GPR107: variants seen among roughly 807,000 people sequenced by gnomAD.
GPR107 encodes protein GPR107.
In GPR107, 31 loss-of-function variants were observed where a neutral mutation model predicts 75.5. That is an observed-to-expected ratio of 0.41 (90% CI 0.31 to 0.55). The LOEUF (loss-of-function observed/expected upper bound fraction) is 0.55. GPR107 is among the 20% of genes least tolerant of loss of function. GPR107 has a pLI of 0.26. For synonymous variants in GPR107, 267 were observed against 251.3 expected (o/e 1.06, Z -0.59); for missense variants, 572 against 665.7 (o/e 0.86, Z 1.55).
At chr9:130,132,255 A>C (rs1013535783) in intron 17 of GPR107, among the ~76,000 whole-genome samples, 2 of 152,090 alleles carry the variant, frequency 1.3e-5, no homozygotes, top group South Asian at 4.1e-4. Flanking sequence ...TTGCAGTGCC[A>C]GTTTCCTGGC....
At position 130,112,100 on chromosome 9, in the gene GPR107, TTTAA is replaced by T. The variant is rs1357228018; in HGVS notation, c.1306+4566_1306+4569del. On this transcript the variant is annotated intron_variant, in intron 14 of 17. Transcript: ENST00000347136. This position sits in a 1 kb window ranked among gnomAD's most constrained non-coding sequence, Gnocchi z 4.0. ...CTGGCGTCGAGATACACACCGTAAATTTAATTAACAGTCTCTGCTGCTCACCATC... is the reference window on the plus strand; with the variant it reads ...CTGGCGTCGAGATACACACCGTAAATTTAACAGTCTCTGCTGCTCACCATC... Among the ~76,000 whole-genome samples, 33 of 152,358 alleles carry T rather than the reference TTTAA, an allele frequency of 2.2e-4. No homozygotes were observed. The highest frequency in any genetic ancestry group is 7.9e-4 in the African/African-American group (33 of 41,584).
rs530174004 is a variant in GPR107, at chr9:130,135,196, A to T, written c.*75A>T. ...CATAGTCCTATTGGACAGCAGGAGCAGCTCCTACAGTGAACTATTGGCACC... is the reference window on the plus strand; with the variant it reads ...CATAGTCCTATTGGACAGCAGGAGCTGCTCCTACAGTGAACTATTGGCACC... On this transcript the variant is annotated 3_prime_UTR_variant, in exon 18 of 18. Transcript: ENST00000347136. 61 of 739,352 alleles carry T rather than the reference A, an allele frequency of 8.3e-5. No individual in the cohort carries two copies. The African/African-American group carries it at 9.3e-4, about 11-fold the overall frequency. 45.8% of individuals were successfully genotyped at this position (739,352 alleles called of 1,614,324 possible).
chr9:130,118,400 G>A (rs1447871848), intron 14 of GPR107, among the ~76,000 whole-genome samples: 3 of 152,260 alleles, frequency 2.0e-5, no homozygotes, highest in Non-Finnish European at 2.9e-5. Context: ...CTAGGGCAGG[G>A]GCAGCACCTC....
chr9:130,099,659 A>G, intron 10 of GPR107, 127 bp downstream of exon 10: 3 of 616,948 alleles, frequency 4.9e-6, no homozygotes, highest in South Asian at 2.0e-5. Context: ...TTTCTCATAA[A>G]GCCTCCTCTT....
At chr9:130,099,662 C>T in intron 10 of GPR107, 130 bp downstream of exon 10, 4 of 605,886 alleles carry the variant, frequency 6.6e-6, no homozygotes, top group Non-Finnish European at 1.2e-5. Context: ...CTCATAAAGC[C>T]TCCTCTTGTC....
intron 1 of GPR107, among the ~76,000 whole-genome samples, chr9:130,062,632 T>TGCCTGCCTG: frequency 7.3e-6 from 1 of 137,010 alleles, no homozygotes. Context: ...CTTCCTGCCT[T>TGCCTGCCTG]CCTGCCTGCC....
At chr9:130,069,722 G>T (rs1486982326) in intron 1 of GPR107, among the ~76,000 whole-genome samples, 2 of 152,094 alleles carry the variant, frequency 1.3e-5, no homozygotes, top group East Asian at 3.9e-4. Flanking sequence ...GTCTCACTCT[G>T]TCACCCATGC....
intron 15 of GPR107, among the ~76,000 whole-genome samples, chr9:130,126,806 T>G (rs1223492283): frequency 6.6e-6 from 1 of 152,128 alleles, no homozygotes; most frequent in African/African-American, 2.4e-5. Context: ...ATTTTTTCTT[T>G]CCCATGGATT....
intron 13 of GPR107, among the ~76,000 whole-genome samples, chr9:130,107,235 G>A (rs1287075798): frequency 1.3e-5 from 2 of 152,104 alleles, no homozygotes; most frequent in African/African-American, 4.8e-5. Context: ...TTAAATGATG[G>A]AGTTTTGTTT....
chr9:130,096,771 T>C (rs1830883905), intron 9 of GPR107, among the ~76,000 whole-genome samples: 1 of 152,188 alleles, frequency 6.6e-6, no homozygotes, highest in South Asian at 2.1e-4. Flanking sequence ...TTTTTGGATA[T>C]TTCTATATTC....
intron 1 of GPR107, among the ~76,000 whole-genome samples, chr9:130,066,416 T>C (rs988471058): frequency 6.6e-6 from 1 of 151,984 alleles, no homozygotes; most frequent in African/African-American, 2.4e-5. Flanking sequence ...ATGACGACGA[T>C]GATGATGATT....
intron 1 of GPR107, among the ~76,000 whole-genome samples, chr9:130,056,980 A>G (rs1237050292): frequency 1.3e-5 from 2 of 148,496 alleles, no homozygotes; most frequent in Non-Finnish European, 3.0e-5. Context: ...GTTGGGCCGC[A>G]TTCAAAGCCA....
At chr9:130,132,913 C>T (rs1554899388) in intron 17 of GPR107, 1 of 151,920 alleles carries the variant, frequency 6.6e-6, no homozygotes, top group African/African-American at 2.4e-5. Flanking sequence ...TGGGTTTTTC[C>T]TTCATGCTTT....
At chr9:130,113,685 A>G (rs751456680) in intron 14 of GPR107, among the ~76,000 whole-genome samples, 12 of 152,188 alleles carry the variant, frequency 7.9e-5, no homozygotes, top group Non-Finnish European at 1.8e-4. Flanking sequence ...AGGATGTTCC[A>G]TAGTCATGCA....
chr9:130,060,761 A>G (rs577299278), intron 1 of GPR107, among the ~76,000 whole-genome samples: 9 of 152,274 alleles, frequency 5.9e-5, no homozygotes, highest in South Asian at 2.1e-4. Flanking sequence ...TGATACTTCT[A>G]TGATAATTAT....
At chr9:130,058,992 G>A (rs1259306159) in intron 1 of GPR107, among the ~76,000 whole-genome samples, 1 of 152,140 alleles carries the variant, frequency 6.6e-6, no homozygotes, top group African/African-American at 2.4e-5. Context: ...AGGCTTTGTG[G>A]GGCCATATGT....
At chr9:130,067,998 C>A (rs185038766) in intron 1 of GPR107, among the ~76,000 whole-genome samples, 8 of 151,984 alleles carry the variant, frequency 5.3e-5, no homozygotes, top group Non-Finnish European at 1.2e-4. Flanking sequence ...CCTCAGCCCC[C>A]CAAAGTGCTG....
At chr9:130,099,362 C>T in intron 9 of GPR107, 95 bp from the exon 10 acceptor site, 1 of 725,548 alleles carries the variant, frequency 1.4e-6, no homozygotes, top group South Asian at 1.6e-5. Flanking sequence ...GATTATATTT[C>T]CTGTCTCCTT....
At chr9:130,105,071 CAG>C (rs1036999320) in intron 13 of GPR107, among the ~76,000 whole-genome samples, 1 of 152,152 alleles carries the variant, frequency 6.6e-6, no homozygotes, top group African/African-American at 2.4e-5. Context: ...AGTGTCAAGT[CAG>C]TGGTTGATGA....
Sources: gnomAD v4.1 joint callset for allele counts (sites outside exome capture counted in the v4.1 genomes callset) on GRCh38, gnomAD v4.1.1 for gene constraint, Gnocchi (gnomAD v3.1) non-coding constraint, MANE v1.5 for transcripts, NCBI Gene and HGNC (gene_info 2026-07-23, HGNC 2026-07-21) for gene names.